The following PCDHGA1 variants were observed in gnomAD, a reference collection of about 807,000 sequenced individuals.
PCDHGA1 encodes the protein protocadherin gamma-A1.
PCDHGA1 carries 32 observed loss-of-function variants against 58.0 expected under a neutral mutation model. The observed-to-expected ratio is 0.55, with a 90% CI of 0.42 to 0.74. The LOEUF is 0.74. PCDHGA1 is among the 30% of genes least tolerant of loss of function. The pLI is 0.00. For synonymous variants in PCDHGA1, 498 were observed against 501.1 expected (o/e 0.99, Z 0.08); for missense variants, 1,205 against 1,182.3 (o/e 1.02, Z -0.28).
intron 1 of PCDHGA1, chr5:141,427,685 C>T: frequency 1.2e-6 from 1 of 852,116 alleles, no homozygotes; most frequent in Non-Finnish European, 1.9e-6. Context: ...TTCCCGGAGC[C>T]TCCATCCCAC....
At chr5:141,387,768 T>G (rs892776132) in intron 1 of PCDHGA1, 1 of 1,435,344 alleles carries the variant, frequency 7.0e-7, no homozygotes, top group African/African-American at 1.4e-5. Context: ...AGAAGAATTT[T>G]TTCTTGAACT....
At chr5:141,353,588 C>T (rs1759323905) in intron 1 of PCDHGA1, among the ~76,000 whole-genome samples, 1 of 152,168 alleles carries the variant, frequency 6.6e-6, no homozygotes, top group African/African-American at 2.4e-5. Context: ...AATGATATTT[C>T]ATAATTTTCT....
At chr5:141,364,449 A>G in intron 1 of PCDHGA1, 1 of 1,613,984 alleles carries the variant, frequency 6.2e-7, no homozygotes, top group Admixed American at 1.7e-5. Context: ...GAGGAGCTGG[A>G]CAAAGGCTCC....
intron 1 of PCDHGA1, chr5:141,423,684 T>TA (rs1412198122): frequency 1.3e-6 from 2 of 1,524,644 alleles, no homozygotes; most frequent in Non-Finnish European, 1.8e-6. Context: ...CTCTGCCTCC[T>TA]AATTGTTGGT....
At chr5:141,480,021 C>T (rs1415230863) in intron 1 of PCDHGA1, among the ~76,000 whole-genome samples, 2 of 152,208 alleles carry the variant, frequency 1.3e-5, no homozygotes, top group East Asian at 3.8e-4. Flanking sequence ...AATCTCCTTT[C>T]TAAGCCTCTT....
intron 1 of PCDHGA1, chr5:141,370,272 A>G: frequency 1.3e-6 from 1 of 794,346 alleles, no homozygotes; most frequent in Non-Finnish European, 1.9e-6. Context: ...TGCAGCGGAG[A>G]CACCCATTAG....
rs1006751011 is a variant in PCDHGA1, at chr5:141,431,033, C to T, written c.2422-63774C>T. ...CTTGGTCACGGCGGGCAGGATAGAC[C>T]GGGAGGAGCTCTGTATGGGGGCCAT... On this transcript the variant is annotated intron_variant, in intron 1 of 3. Coordinates refer to ENST00000517417, the MANE Select transcript of PCDHGA1 (RefSeq NM_018912.3). This position sits in a 1 kb window ranked among gnomAD's most constrained non-coding sequence, Gnocchi z 4.8. 1.2e-6 allele frequency: 2 copies of T among 1,613,864 alleles called. No homozygotes were observed. The highest frequency in any genetic ancestry group is 1.3e-5 in the African/African-American group (1 of 74,924).
chr5:141,387,422 TA>T (rs1406219674), intron 1 of PCDHGA1, among the ~76,000 whole-genome samples: 1 of 152,248 alleles, frequency 6.6e-6, no homozygotes, highest in Non-Finnish European at 1.5e-5. Context: ...CTTATGTCAA[TA>T]AATGTTTATG....
intron 1 of PCDHGA1, among the ~76,000 whole-genome samples, chr5:141,492,084 G>C (rs979755390): frequency 2.0e-5 from 3 of 152,236 alleles, no homozygotes; most frequent in African/African-American, 7.2e-5. Flanking sequence ...GCTCCGGCAC[G>C]CTTCGCCGGT....
intron 1 of PCDHGA1, among the ~76,000 whole-genome samples, chr5:141,373,074 A>G (rs910796457): frequency 6.6e-6 from 1 of 152,228 alleles, no homozygotes; most frequent in Non-Finnish European, 1.5e-5. Flanking sequence ...TTTTTAATAC[A>G]GTATTATCTC....
At chr5:141,435,919 T>C (rs2097786247) in intron 1 of PCDHGA1, among the ~76,000 whole-genome samples, 2 of 152,148 alleles carry the variant, frequency 1.3e-5, no homozygotes, top group South Asian at 4.1e-4. Flanking sequence ...GGCTCTAAAA[T>C]GCGGCAGTTG....
At position 141,384,373 on chromosome 5, in the gene PCDHGA1, G is replaced by A. The variant is rs916805364; in HGVS notation, c.2421+51268G>A. 27 of 1,613,764 alleles carry A rather than the reference G, an allele frequency of 1.7e-5. No homozygotes were observed. The highest frequency in any genetic ancestry group is 2.1e-5 in the Non-Finnish European group (25 of 1,179,894). ...TAATGCCCAGATCACTTATTCCTTGGCCGAAGACACCATCCAGGGGGCTCC... is the reference window on the plus strand; with the variant it reads ...TAATGCCCAGATCACTTATTCCTTGACCGAAGACACCATCCAGGGGGCTCC... On this transcript the variant is annotated intron_variant, in intron 1 of 3. Coordinates refer to ENST00000517417, the MANE Select transcript of PCDHGA1 (RefSeq NM_018912.3).
At chr5:141,366,410 G>C in intron 1 of PCDHGA1, 1 of 1,614,204 alleles carries the variant, frequency 6.2e-7, no homozygotes, top group South Asian at 1.1e-5. Context: ...ACTCTATCTT[G>C]TGGTGGCAGT....
chr5:141,372,491 C>A (rs1413236125), intron 1 of PCDHGA1: 2 of 1,613,944 alleles, frequency 1.2e-6, no homozygotes, highest in Non-Finnish European at 1.7e-6. Flanking sequence ...TGGCCTTGAT[C>A]TCAGTGCTCT....
chr5:141,347,147 CTT>C (rs1757905409), intron 1 of PCDHGA1, among the ~76,000 whole-genome samples: 1 of 129,464 alleles, frequency 7.7e-6, no homozygotes, highest in East Asian at 2.1e-4. Flanking sequence ...CTCTTTCTTT[CTT>C]TCTTTCTTTC....
Position 141,476,735 on chromosome 5 carries a change from G to C in PCDHGA1, c.2422-18072G>C, listed in dbSNP as rs1267556668. The C allele has an allele frequency of 6.2e-7, 1 of 1,613,974 alleles. No individual in the cohort carries two copies. Among genetic ancestry groups the C allele is most frequent in the African/African-American group, 1.3e-5 (1 of 74,940 alleles). On this transcript the variant is annotated intron_variant, in intron 1 of 3. Coordinates refer to ENST00000517417, the MANE Select transcript of PCDHGA1 (RefSeq NM_018912.3). This position sits in a 1 kb window ranked among gnomAD's most constrained non-coding sequence, Gnocchi z 7.6. ...GGAGCGCGCCCTGGACCGAGAACGG[G>C]AGCCTAGTCTCCAGTTAGTGCTGAC...
intron 1 of PCDHGA1, among the ~76,000 whole-genome samples, chr5:141,401,573 G>A (rs372919699): frequency 4.6e-5 from 7 of 152,128 alleles, no homozygotes; most frequent in East Asian, 3.9e-4. Context: ...TCTCTTGCTC[G>A]GAATCCTGAC....
In PCDHGA1 at chr5:141,351,586, C is replaced by A. The variant is rs377147713; in HGVS notation, c.2421+18481C>A. On this transcript the variant is annotated intron_variant, in intron 1 of 3. Transcript: ENST00000517417. ...TCACCCTGCACATCTCCGACATCAA[C>A]GACAATGCACCTGTTTTCCATCAGG... The A allele has an allele frequency of 6.8e-6, 11 of 1,614,054 alleles. No homozygotes were observed. In the South Asian group the frequency reaches 1.1e-4, roughly 16 times the overall value.
intron 1 of PCDHGA1, chr5:141,399,883 A>C: frequency 6.2e-7 from 1 of 1,612,718 alleles, no homozygotes; most frequent in South Asian, 1.1e-5. Flanking sequence ...CCTGGTGACC[A>C]AGGTAGTGGC....
Sources: allele counts gnomAD v4.1 joint callset (sites outside exome capture counted in the v4.1 genomes callset), GRCh38; gene constraint gnomAD v4.1.1; non-coding constraint Gnocchi (gnomAD v3.1); transcripts MANE v1.5; gene names NCBI Gene and HGNC (gene_info 2026-07-23, HGNC 2026-07-21).